PHF21A: variants seen among roughly 807,000 people sequenced by gnomAD.
PHF21A encodes the protein PHD finger protein 21A.
PHF21A carries 11 observed loss-of-function variants against 82.5 expected under a neutral mutation model. The observed-to-expected ratio is 0.13, with a 90% CI of 0.08 to 0.22. The LOEUF (loss-of-function observed/expected upper bound fraction) is 0.22, where lower values mean the gene tolerates loss of function less well. PHF21A is among the 10% of genes least tolerant of loss of function. PHF21A has a pLI of 1.00. For synonymous variants in PHF21A, 297 were observed against 302.8 expected, an observed-to-expected ratio of 0.98 and a Z score of 0.20; for missense variants, 579 against 837.8, an observed-to-expected ratio of 0.69 and a Z score of 3.81.
Position 45,932,983 on chromosome 11 carries a change from AT to A in PHF21A, c.*984del, listed in dbSNP as rs763078523. 4.6e-5 allele frequency: 7 copies of A among 152,640 alleles called. No individual in the cohort carries two copies. Among genetic ancestry groups the A allele is most frequent in the Non-Finnish European group, 7.3e-5 (5 of 68,044 alleles). 9.5% of individuals were successfully genotyped at this position (152,640 alleles called of 1,614,324 possible). A position where few individuals can be genotyped will look rare whatever the true frequency, so the allele number is the denominator to read the frequency against. On this transcript the variant is annotated 3_prime_UTR_variant, in exon 19 of 19. Transcript: ENST00000676320. This position sits in a 1 kb window ranked among gnomAD's most constrained non-coding sequence, Gnocchi z 4.3. ...AAAGAAAAAAAGAACAAAAACAAAA[AT>A]TAAAGAAAGAGAAAAGAAACGTCTC... is the stretch of plus-strand genomic sequence containing the variant.
At chr11:45,935,868 G>A in intron 17 of PHF21A, 129 bp from the exon 18 acceptor site, 1 of 616,792 alleles carries the variant, frequency 1.6e-6, no homozygotes, top group South Asian at 2.0e-5. Flanking sequence ...ACAACCCAGT[G>A]CAGAGAATCT....
At chr11:46,035,855 A>ATC (rs1448025597) in intron 6 of PHF21A, among the ~76,000 whole-genome samples, 1 of 152,224 alleles carries the variant, frequency 6.6e-6, no homozygotes, top group Admixed American at 6.5e-5. Context: ...GTAGGTATGT[A>ATC]TCACACAAAT....
intron 6 of PHF21A, among the ~76,000 whole-genome samples, chr11:46,032,168 C>T (rs1165848879): frequency 1.3e-5 from 2 of 152,164 alleles, no homozygotes; most frequent in Non-Finnish European, 2.9e-5. Context: ...CACCCTGCTA[C>T]ACAAAATGAT....
chr11:46,026,125 G>C (rs1269852109), intron 6 of PHF21A, among the ~76,000 whole-genome samples: 1 of 152,176 alleles, frequency 6.6e-6, no homozygotes, highest in Non-Finnish European at 1.5e-5. Context: ...AGAGACCTGG[G>C]CTAAGGTTAA....
Position 45,971,356 on chromosome 11 carries a change from A to G in PHF21A, c.372T>C (p.Thr124=). Residue 124 remains threonine, a synonymous_variant, in exon 8 of 19, where the codon ACT becomes ACC. Coordinates refer to ENST00000676320, the MANE Select transcript of PHF21A (RefSeq NM_001352027.3). ...PNLTASQKTV[T]TASMITTKTL... ...TCTTTGTGGTAATCATAGAAGCTGT[A>G]GTTACAGTCTTCTAGGAGACAGGGA... 6.2e-7 allele frequency: 1 copy of G among 1,613,988 alleles called. No individual in the cohort carries two copies. Among genetic ancestry groups the G allele is most frequent in the Non-Finnish European group, 8.5e-7 (1 of 1,179,874 alleles).
At chr11:46,042,849 C>A (rs2096179712) in intron 6 of PHF21A, among the ~76,000 whole-genome samples, 1 of 152,034 alleles carries the variant, frequency 6.6e-6, no homozygotes, top group Admixed American at 6.6e-5. Context: ...TAGGTCCTCA[C>A]AAAATCTGCT....
intron 6 of PHF21A, among the ~76,000 whole-genome samples, chr11:45,989,201 C>A (rs1397476624): frequency 6.6e-6 from 1 of 152,094 alleles, no homozygotes; most frequent in Non-Finnish European, 1.5e-5. Flanking sequence ...TCATCAGAGA[C>A]ACAAGAAACC....
At chr11:45,949,927 G>A (rs760832047) in intron 12 of PHF21A, among the ~76,000 whole-genome samples, 2 of 152,136 alleles carry the variant, frequency 1.3e-5, no homozygotes, top group African/African-American at 2.4e-5. Flanking sequence ...AGAGCACTTC[G>A]CTGTGCTGTT....
chr11:46,073,759 C>T (rs1376076601), intron 6 of PHF21A, among the ~76,000 whole-genome samples: 1 of 152,164 alleles, frequency 6.6e-6, no homozygotes, highest in Non-Finnish European at 1.5e-5. Context: ...ATCTTAATGG[C>T]TATATAACAT....
At chr11:46,075,705 G>A (rs1289202504) in intron 6 of PHF21A, among the ~76,000 whole-genome samples, 1 of 152,134 alleles carries the variant, frequency 6.6e-6, no homozygotes, top group Non-Finnish European at 1.5e-5. Flanking sequence ...CACTCAGCTT[G>A]GAAGATGATT....
At chr11:45,944,748 T>C (rs899726380) in intron 15 of PHF21A, among the ~76,000 whole-genome samples, 6 of 152,240 alleles carry the variant, frequency 3.9e-5, no homozygotes, top group African/African-American at 1.4e-4. Flanking sequence ...GTATGCTATA[T>C]GCCCTTAAAT....
chr11:45,957,103 T>C (rs1160574489), intron 10 of PHF21A, among the ~76,000 whole-genome samples: 2 of 152,162 alleles, frequency 1.3e-5, no homozygotes, highest in East Asian at 1.9e-4. Flanking sequence ...TATAATCATA[T>C]ATGTACCAGA....
intron 6 of PHF21A, among the ~76,000 whole-genome samples, chr11:45,990,378 C>G (rs1024146914): frequency 6.7e-6 from 1 of 149,590 alleles, no homozygotes; most frequent in African/African-American, 2.4e-5. Flanking sequence ...CCCACCTCAG[C>G]TCCCCAAGGA....
rs35995547 is a variant in PHF21A, at chr11:45,935,741, T to TAAA, written c.1685-5_1685-3dup. ...ACTTCTGTTTCTCTTCTTCTTTTGC[T>TAAA]AAAAAAAAAAAAAAAAAAAAAAAGG... On this transcript the variant is annotated splice_region_variant and splice_polypyrimidine_tract_variant and intron_variant, in intron 17 of 18. Coordinates refer to ENST00000676320, the MANE Select transcript of PHF21A (RefSeq NM_001352027.3). 117 of 523,460 alleles carry TAAA rather than the reference T, an allele frequency of 2.2e-4. No individual in the cohort carries two copies. The highest frequency in any genetic ancestry group is 6.1e-4 in the South Asian group (26 of 42,650). 32.4% of individuals were successfully genotyped at this position (523,460 alleles called of 1,614,324 possible). A position where few individuals can be genotyped will look rare whatever the true frequency, so the allele number is the denominator to read the frequency against.
intron 11 of PHF21A, among the ~76,000 whole-genome samples, chr11:45,952,152 T>C (rs1336757951): frequency 6.6e-6 from 1 of 152,242 alleles, no homozygotes; most frequent in Admixed American, 6.5e-5. Context: ...TTTTACCTCA[T>C]ATATGTATCC....
intron 16 of PHF21A, 55 bp downstream of exon 16, chr11:45,938,102 A>G: frequency 2.1e-6 from 3 of 1,418,484 alleles, no homozygotes; most frequent in Admixed American, 4.6e-5. Context: ...ATTCCTCCTG[A>G]TGGCCGTGTC....
intron 6 of PHF21A, among the ~76,000 whole-genome samples, chr11:46,023,289 CTAAT>C (rs1190954720): frequency 6.6e-6 from 1 of 152,186 alleles, no homozygotes; most frequent in African/African-American, 2.4e-5. Flanking sequence ...CAGCTGATGG[CTAAT>C]TACTGAGGCC....
At chr11:46,072,749 C>T (rs1018455797) in intron 6 of PHF21A, among the ~76,000 whole-genome samples, 1 of 152,110 alleles carries the variant, frequency 6.6e-6, no homozygotes, top group African/African-American at 2.4e-5. Context: ...GACATGAAAC[C>T]TCACCAGGAG....
chr11:45,949,415 ACTG>A lies in PHF21A; in HGVS notation c.1211_1213del (p.Ala404del). The A allele has an allele frequency of 6.2e-7, 1 of 1,614,074 alleles. No homozygotes were observed. ...GGCCAGTAATACCTCTGGCTCAAAG[ACTG>A]CTCCACTGTAGACCGGATTTGCTGT... is the stretch of plus-strand genomic sequence containing the variant. On this transcript the variant is annotated inframe_deletion, in exon 13 of 19. Coordinates refer to ENST00000676320, the MANE Select transcript of PHF21A (RefSeq NM_001352027.3).
Sources: gnomAD v4.1 joint callset for allele counts (sites outside exome capture counted in the v4.1 genomes callset) on GRCh38, gnomAD v4.1.1 for gene constraint, Gnocchi (gnomAD v3.1) non-coding constraint, MANE v1.5 for transcripts, NCBI Gene and HGNC (gene_info 2026-07-23, HGNC 2026-07-21) for gene names.